CSMD3: variants seen among roughly 807,000 people sequenced by gnomAD.
The protein encoded by CSMD3 is CUB and sushi domain-containing protein 3.
In CSMD3, 177 loss-of-function variants were observed where a neutral mutation model predicts 435.2. That is an observed-to-expected ratio of 0.41 (90% confidence interval 0.36 to 0.46). The LOEUF is 0.46. Among genes scored for constraint, CSMD3 ranks in the 20% least tolerant of loss-of-function variants. CSMD3 has a pLI of 0.34. For synonymous variants in CSMD3, 1,656 were observed against 1,520.5 expected, an observed-to-expected ratio of 1.09 and a Z score of -2.07; for missense variants, 4,265 against 4,504.6, an observed-to-expected ratio of 0.95 and a Z score of 1.52.
chr8:113,035,311 G>C (rs1227980839), intron 5 of CSMD3, among the ~76,000 whole-genome samples: 5 of 151,914 alleles, frequency 3.3e-5, no homozygotes, highest in Non-Finnish European at 5.9e-5. Flanking sequence ...CAGTAATAAG[G>C]CAGTATTATA....
chr8:112,331,261 C>T (rs771149581), intron 45 of CSMD3, among the ~76,000 whole-genome samples: 6 of 151,882 alleles, frequency 4.0e-5, no homozygotes, highest in Non-Finnish European at 8.8e-5. Flanking sequence ...ATAAACCAAC[C>T]TCATCTTGAC....
intron 4 of CSMD3, among the ~76,000 whole-genome samples, chr8:113,105,131 A>T (rs1341474669): frequency 6.6e-6 from 1 of 152,124 alleles, no homozygotes; most frequent in Non-Finnish European, 1.5e-5. Flanking sequence ...AAATCAAGTA[A>T]TAAACATGAA....
rs73346102 is a variant in CSMD3 at position 112,941,053 on chromosome 8, A to G, written c.1508+6737T>C. Among the ~76,000 whole-genome samples the G allele has an allele frequency of 4.7e-3, 708 of 151,908 alleles. 3 individuals carry two copies. The highest frequency in any genetic ancestry group is 0.016 in the African/African-American group (657 of 41,548). On this transcript the variant is annotated intron_variant, in intron 9 of 70. Transcript: ENST00000297405. The stretch of plus-strand genomic sequence containing the variant: ...GAAAAAAAAATTGGGTACTATAATG[A>G]AGGAAAACATGAGCTAAGAAGTTAA...
chr8:113,013,414 A>ACTCTTTATTTACTTAATGT (rs1444791499), intron 6 of CSMD3, among the ~76,000 whole-genome samples: 20 of 151,834 alleles, frequency 1.3e-4, no homozygotes, highest in Non-Finnish European at 2.5e-4. Flanking sequence ...TCCAGTGAAG[A>ACTCTTTATTTACTTAATGT]CTCTTTATTT....
At chr8:113,289,554 CAGAGAG>C (rs66595138) in intron 2 of CSMD3, among the ~76,000 whole-genome samples, 47,376 of 143,042 alleles carry the variant, frequency 0.33, 8,961 homozygotes, top group East Asian at 0.67. Context: ...CAGAGAGAGA[CAGAGAG>C]AGAGAGAGAG....
chr8:112,622,041 T>G (rs1834114509), intron 22 of CSMD3, among the ~76,000 whole-genome samples: 1 of 152,126 alleles, frequency 6.6e-6, no homozygotes, highest in African/African-American at 2.4e-5. Flanking sequence ...ATAAAAGCAG[T>G]GGAAGAACAC....
At chr8:112,416,885 A>G (rs1387464086) in intron 32 of CSMD3, among the ~76,000 whole-genome samples, 1 of 145,852 alleles carries the variant, frequency 6.9e-6, no homozygotes, top group Non-Finnish European at 1.6e-5. Context: ...ATGGAGAGTT[A>G]AAATTAAAAT....
intron 1 of CSMD3, among the ~76,000 whole-genome samples, chr8:113,420,867 C>T (rs1428420584): frequency 6.6e-6 from 1 of 151,612 alleles, no homozygotes; most frequent in South Asian, 2.1e-4. Context: ...GGAGAAGTTC[C>T]TGAACCCAGC....
At chr8:112,801,484 G>C (rs1160268597) in intron 12 of CSMD3, among the ~76,000 whole-genome samples, 3 of 152,092 alleles carry the variant, frequency 2.0e-5, no homozygotes, top group African/African-American at 7.2e-5. Flanking sequence ...TTACACTGAA[G>C]AACACCATAA....
At chr8:113,369,944 A>G (rs1385905434) in intron 1 of CSMD3, among the ~76,000 whole-genome samples, 1 of 151,858 alleles carries the variant, frequency 6.6e-6, no homozygotes, top group East Asian at 1.9e-4. Context: ...GTAAAAGGAT[A>G]CAAAATTACC....
At chr8:112,961,826 T>C (rs1425286539) in intron 7 of CSMD3, among the ~76,000 whole-genome samples, 2 of 151,922 alleles carry the variant, frequency 1.3e-5, no homozygotes, top group Admixed American at 1.3e-4. Context: ...CAGGAAACCA[T>C]AGCACTTACG....
intron 39 of CSMD3, 54 bp from the exon 40 acceptor site, chr8:112,351,298 A>T: frequency 1.8e-6 from 2 of 1,124,446 alleles, no homozygotes; most frequent in Non-Finnish European, 2.7e-6. Flanking sequence ...GTTTAAATTT[A>T]TTGTAGCATA....
At chr8:113,337,617 A>T (rs758890612) in intron 1 of CSMD3, among the ~76,000 whole-genome samples, 1 of 152,118 alleles carries the variant, frequency 6.6e-6, no homozygotes, top group Admixed American at 6.6e-5. Flanking sequence ...GAGAAAATTT[A>T]AAAAATAGAT....
chr8:112,787,498 G>T (rs1045708711), intron 13 of CSMD3, among the ~76,000 whole-genome samples: 1 of 152,046 alleles, frequency 6.6e-6, no homozygotes, highest in Non-Finnish European at 1.5e-5. Flanking sequence ...CATATTTGTC[G>T]CAGCACTATT....
chr8:112,795,331 A>G (rs916468271), intron 13 of CSMD3, among the ~76,000 whole-genome samples: 1 of 152,174 alleles, frequency 6.6e-6, no homozygotes, highest in Non-Finnish European at 1.5e-5. Flanking sequence ...AAAAAAAACT[A>G]TGAATACAGT....
intron 7 of CSMD3, among the ~76,000 whole-genome samples, chr8:112,975,288 C>A (rs1454959752): frequency 6.6e-6 from 1 of 151,986 alleles, no homozygotes; most frequent in Non-Finnish European, 1.5e-5. Flanking sequence ...TCTTTCAATG[C>A]AATCATATGG....
At chr8:113,145,676 A>C (rs2131751184) in intron 4 of CSMD3, among the ~76,000 whole-genome samples, 1 of 151,738 alleles carries the variant, frequency 6.6e-6, no homozygotes, top group African/African-American at 2.4e-5. Context: ...ATAAAGTCCA[A>C]AACATTGTAT....
intron 3 of CSMD3, among the ~76,000 whole-genome samples, chr8:113,200,860 A>G (rs2092709328): frequency 6.6e-6 from 1 of 151,762 alleles, no homozygotes; most frequent in Admixed American, 6.6e-5. Flanking sequence ...AAGAACAAAA[A>G]TTTCTTCTGT....
chr8:112,991,533 G>C (rs1399390132), intron 6 of CSMD3, among the ~76,000 whole-genome samples: 1 of 151,772 alleles, frequency 6.6e-6, no homozygotes, highest in Non-Finnish European at 1.5e-5. Flanking sequence ...TGCAGTTCTT[G>C]CTTTCCTGAT....
Sources: allele counts gnomAD v4.1 joint callset (sites outside exome capture counted in the v4.1 genomes callset), GRCh38; gene constraint gnomAD v4.1.1; transcripts MANE v1.5; gene names NCBI Gene and HGNC (gene_info 2026-07-23, HGNC 2026-07-21).